Variants in WDR12 observed in about 807,000 individuals in gnomAD.
The protein encoded by WDR12 is ribosome biogenesis protein WDR12.
A neutral mutation model predicts 64.3 loss-of-function variants in WDR12; 42 were observed. That is an observed-to-expected ratio of 0.65 (90% confidence interval 0.51 to 0.84). The LOEUF (loss-of-function observed/expected upper bound fraction) is 0.84. Ranked by LOEUF, WDR12 falls within the 40% of genes least tolerant of loss-of-function variation. The pLI, the probability that WDR12 is intolerant of heterozygous loss-of-function variation, is 0.00. For missense variants in WDR12, 469 were observed against 494.6 expected, an observed-to-expected ratio of 0.95 and a Z score of 0.49; for synonymous variants, 158 against 173.3, an observed-to-expected ratio of 0.91 and a Z score of 0.70.
At chr2:202,894,002 T>C (rs1688197542) in intron 7 of WDR12, among the ~76,000 whole-genome samples, 2 of 152,174 alleles carry the variant, frequency 1.3e-5, no homozygotes, top group Admixed American at 1.3e-4. Flanking sequence ...ACTTCCAAGT[T>C]TCCTGAATAA....
At chr2:202,881,675 G>C (rs1687950744) in intron 12 of WDR12, among the ~76,000 whole-genome samples, 1 of 152,022 alleles carries the variant, frequency 6.6e-6, no homozygotes, top group Admixed American at 6.6e-5. Flanking sequence ...CTGCTACTCA[G>C]AAGGCTAGGG....
chr2:202,883,399 G>A lies in WDR12; in HGVS notation c.1121+210C>T, dbSNP rs533733696. 678 of 462,120 alleles carry A rather than the reference G, an allele frequency of 1.5e-3. 3 individuals carry two copies. Among genetic ancestry groups the A allele is most frequent in the Non-Finnish European group, 2.0e-3 (511 of 257,682 alleles). 28.6% of individuals were successfully genotyped at this position (462,120 alleles called of 1,614,324 possible). On this transcript the variant is annotated intron_variant, in intron 11 of 12. Coordinates refer to ENST00000261015, the MANE Select transcript of WDR12 (RefSeq NM_018256.4). ...GATCTGCCTGCCTCAGCCTTCCAAA[G>A]TGCTGGGATTACAGGTGTGAGCCAC...
intron 6 of WDR12, among the ~76,000 whole-genome samples, chr2:202,895,523 T>C (rs1258631369): frequency 4.8e-5 from 7 of 146,802 alleles, no homozygotes; most frequent in African/African-American, 1.5e-4. Flanking sequence ...CTTTCTTTTT[T>C]TTTTTTTTTT....
intron 1 of WDR12, 148 bp downstream of exon 1, chr2:202,911,288 G>A: frequency 1.3e-6 from 1 of 746,444 alleles, no homozygotes; most frequent in Non-Finnish European, 2.3e-6. Flanking sequence ...AAATTATATA[G>A]AACCTACGAA....
At chr2:202,882,975 T>C in intron 11 of WDR12, 192 bp from the exon 12 acceptor site, 1 of 496,854 alleles carries the variant, frequency 2.0e-6, no homozygotes, top group Non-Finnish European at 3.6e-6. Context: ...CACAGACATT[T>C]ATTATAACAA....
rs753197429 is a variant in WDR12 at position 202,897,307 on chromosome 2, C to T, written c.447G>A (p.Val149=). 20 of 1,593,326 alleles carry T rather than the reference C, an allele frequency of 1.3e-5. No homozygotes were observed. Among genetic ancestry groups the T allele is most frequent in the Non-Finnish European group, 1.7e-5 (20 of 1,172,246 alleles). ...TAGGCAAACTGTCCTAACCTTTTTTCACCCAGGCCACATCTTTTACAACAT... is the reference window on the plus strand; with the variant it reads ...TAGGCAAACTGTCCTAACCTTTTTTTACCCAGGCCACATCTTTTACAACAT... ...HTDVVKDVAW[V]KKDSLSCLLL... is the part of the protein sequence containing the mutation. Residue 149 remains valine (V), a synonymous_variant, in exon 5 of 13, where the codon GTG becomes GTA. Coordinates refer to ENST00000261015, the MANE Select transcript of WDR12 (RefSeq NM_018256.4).
intron 1 of WDR12, 75 bp downstream of exon 1, chr2:202,911,361 A>G: frequency 1.4e-6 from 2 of 1,435,568 alleles, no homozygotes; most frequent in Non-Finnish European, 2.0e-6. Context: ...ACAACCAGGG[A>G]TCCACAAGGT....
chr2:202,882,015 A>G (rs1421434404), intron 12 of WDR12, among the ~76,000 whole-genome samples: 1 of 152,086 alleles, frequency 6.6e-6, no homozygotes, highest in Non-Finnish European at 1.5e-5. Flanking sequence ...AGTTCATTGC[A>G]TCCTCGACCT....
intron 2 of WDR12, among the ~76,000 whole-genome samples, chr2:202,901,418 A>T (rs1052822484): frequency 1.3e-5 from 2 of 152,238 alleles, no homozygotes; most frequent in East Asian, 3.8e-4. Flanking sequence ...GACATCATCT[A>T]TATTCCACCC....
chr2:202,911,054 T>C (rs1418975274), intron 1 of WDR12, among the ~76,000 whole-genome samples: 1 of 152,206 alleles, frequency 6.6e-6, no homozygotes, highest in Non-Finnish European at 1.5e-5. Flanking sequence ...CTAACAGACC[T>C]TGAGACCACT....
At chr2:202,906,218 T>C (rs1373385771) in intron 2 of WDR12, among the ~76,000 whole-genome samples, 1 of 152,188 alleles carries the variant, frequency 6.6e-6, no homozygotes, top group Admixed American at 6.5e-5. Flanking sequence ...AAATAGACTA[T>C]ATAACAGTTT....
intron 4 of WDR12, among the ~76,000 whole-genome samples, chr2:202,899,033 T>G (rs1343667901): frequency 4.4e-5 from 1 of 22,588 alleles, no homozygotes; most frequent in African/African-American, 9.8e-5. Flanking sequence ...ATACCTGTGG[T>G]TTTTTTTTTT....
At chr2:202,892,236 A>T (rs1688168784) in intron 8 of WDR12, among the ~76,000 whole-genome samples, 1 of 152,228 alleles carries the variant, frequency 6.6e-6, no homozygotes, top group Non-Finnish European at 1.5e-5. Context: ...TATAACTAGG[A>T]TCCCTTATAA....
At chr2:202,881,115 C>T (rs1687941854) in intron 12 of WDR12, among the ~76,000 whole-genome samples, 178 bp from the exon 13 acceptor site, 1 of 152,180 alleles carries the variant, frequency 6.6e-6, no homozygotes, top group Non-Finnish European at 1.5e-5. Context: ...TACTATGATA[C>T]AGTTTATTAA....
chr2:202,901,015 T>C lies in WDR12; in HGVS notation c.231+10A>G, dbSNP rs372184796. On this transcript the variant is annotated intron_variant, in intron 3 of 12. Transcript: ENST00000261015. The stretch of plus-strand genomic sequence containing the variant: ...CAAGTGAAATACAGAAGATAAGAAT[T>C]TGAACTTACTGATGAGATGTTCTCC... 1.3e-4 allele frequency: 205 copies of C among 1,574,956 alleles called. No individual in the cohort carries two copies. In the East Asian group the frequency reaches 4.0e-3, roughly 31 times the overall value.
chr2:202,884,177 C>A, intron 10 of WDR12, 21 bp downstream of exon 10: 1 of 1,598,718 alleles, frequency 6.3e-7, no homozygotes, highest in East Asian at 2.2e-5. Flanking sequence ...ATATATTCCC[C>A]CAGTGGTTTA....
At chr2:202,897,838 G>C (rs1289621123) in intron 4 of WDR12, among the ~76,000 whole-genome samples, 2 of 134,934 alleles carry the variant, frequency 1.5e-5, no homozygotes. Context: ...GCAGTGAGCC[G>C]AGATTGCGCC....
chr2:202,889,562 A>G (rs552224075), intron 8 of WDR12, among the ~76,000 whole-genome samples: 3 of 152,272 alleles, frequency 2.0e-5, no homozygotes, highest in African/African-American at 7.2e-5. Context: ...TCAAAGATCC[A>G]GGGCTTATTA....
intron 3 of WDR12, among the ~76,000 whole-genome samples, chr2:202,899,903 A>G (rs1301178173): frequency 6.6e-6 from 1 of 152,178 alleles, no homozygotes; most frequent in Non-Finnish European, 1.5e-5. Context: ...GGGCAGGAGG[A>G]CTGCTTCAGC....
Sources: gnomAD v4.1 joint callset for allele counts (sites outside exome capture counted in the v4.1 genomes callset) on GRCh38, gnomAD v4.1.1 for gene constraint, MANE v1.5 for transcripts, NCBI Gene and HGNC (gene_info 2026-07-23, HGNC 2026-07-21) for gene names.